KLHL3: variants seen among roughly 807,000 people sequenced by gnomAD.
KLHL3 encodes the protein kelch like family member 3, also known as kelch-like protein 3.
Under a neutral mutation model 70.5 loss-of-function variants are expected in KLHL3, and 19 were observed. The observed-to-expected ratio is 0.27, with a 90% confidence interval of 0.19 to 0.40. The LOEUF is 0.40. Ranked by LOEUF, KLHL3 falls within the 10% of genes least tolerant of loss-of-function variation. The pLI, the probability that KLHL3 is intolerant of heterozygous loss-of-function variation, is 1.00. For synonymous variants in KLHL3, 258 were observed against 290.3 expected, an observed-to-expected ratio of 0.89 and a Z score of 1.13; for missense variants, 512 against 771.1, an observed-to-expected ratio of 0.66 and a Z score of 3.98.
At chr5:137,671,264 A>C (rs1018293747) in intron 6 of KLHL3, among the ~76,000 whole-genome samples, 1 of 152,058 alleles carries the variant, frequency 6.6e-6, no homozygotes, top group South Asian at 2.1e-4. Flanking sequence ...GCTTTCCAAA[A>C]TTCTACCCTC....
chr5:137,635,023 T>C (rs1204721329), intron 11 of KLHL3, among the ~76,000 whole-genome samples: 1 of 152,198 alleles, frequency 6.6e-6, no homozygotes, highest in East Asian at 1.9e-4. Flanking sequence ...GTAGACTAAA[T>C]AAATATCACC....
intron 5 of KLHL3, among the ~76,000 whole-genome samples, chr5:137,684,721 C>T (rs1301971030): frequency 6.6e-6 from 1 of 152,212 alleles, no homozygotes; most frequent in Non-Finnish European, 1.5e-5. Context: ...AAAGATTAAG[C>T]AGTCCCTGGA....
At chr5:137,718,936 T>C (rs1026520287) in intron 2 of KLHL3, among the ~76,000 whole-genome samples, 1 of 152,190 alleles carries the variant, frequency 6.6e-6, no homozygotes, top group Non-Finnish European at 1.5e-5. Flanking sequence ...AAAACAAACA[T>C]AGAATCAGGT....
At chr5:137,705,630 G>C (rs909862682) in intron 3 of KLHL3, among the ~76,000 whole-genome samples, 6 of 152,208 alleles carry the variant, frequency 3.9e-5, no homozygotes, top group Non-Finnish European at 8.8e-5. Context: ...GGAAGCCCAA[G>C]TGTCTTTTAG....
At chr5:137,679,100 T>TTTTTTTTTTTTTTATTATACTC (rs1281108176) in intron 5 of KLHL3, among the ~76,000 whole-genome samples, 1 of 150,800 alleles carries the variant, frequency 6.6e-6, no homozygotes, top group African/African-American at 2.4e-5. Flanking sequence ...GTACTATTTT[T>TTTTTTTTTTTTTTATTATACTC]TAAGTGTTCA....
At chr5:137,731,706 C>G (rs1242032494) in intron 1 of KLHL3, among the ~76,000 whole-genome samples, 1 of 152,106 alleles carries the variant, frequency 6.6e-6, no homozygotes, top group Non-Finnish European at 1.5e-5. Context: ...GCAGGGGCAT[C>G]TCTGTGCTTC....
rs1249586623 is a variant in KLHL3 at position 137,661,933 on chromosome 5, A to T, written c.735T>A (p.Pro245=). 4 of 1,600,854 alleles carry T rather than the reference A, an allele frequency of 2.5e-6. No individual in the cohort carries two copies. The highest frequency in any genetic ancestry group is 2.6e-6 in the Non-Finnish European group (3 of 1,167,994). ...CACTCACTTGGACTAGGTAGTCCCT[A>T]GGTAAGAGAGGAAGTCGGACATGTT... is the stretch of plus-strand genomic sequence containing the variant. ...LMEHVRLPLL[P]RDYLVQTVEE... Residue 245 remains proline (P), a synonymous_variant, in exon 7 of 15, where the codon CCT becomes CCA. Coordinates refer to ENST00000309755, the MANE Select transcript of KLHL3 (RefSeq NM_017415.3).
intron 13 of KLHL3, among the ~76,000 whole-genome samples, chr5:137,627,758 G>T: frequency 6.6e-6 from 1 of 152,150 alleles, no homozygotes; most frequent in Non-Finnish European, 1.5e-5. Flanking sequence ...TTTCCTACAG[G>T]AAGGCATAGG....
intron 1 of KLHL3, among the ~76,000 whole-genome samples, chr5:137,732,205 T>C (rs181279812): frequency 2.2e-4 from 34 of 152,258 alleles, no homozygotes; most frequent in Non-Finnish European, 4.3e-4. Flanking sequence ...ATCATTGTAA[T>C]AGCTAACAGC....
intron 3 of KLHL3, among the ~76,000 whole-genome samples, chr5:137,708,187 T>G (rs1182534706): frequency 6.6e-6 from 1 of 152,232 alleles, no homozygotes; most frequent in Non-Finnish European, 1.5e-5. Flanking sequence ...AAGAGTAGCC[T>G]GGTCCACTTA....
intron 6 of KLHL3, among the ~76,000 whole-genome samples, chr5:137,667,947 G>A (rs913333221): frequency 2.6e-5 from 4 of 152,176 alleles, no homozygotes; most frequent in East Asian, 3.8e-4. Context: ...TGAAGTAGGT[G>A]TCACTGCTCA....
intron 5 of KLHL3, among the ~76,000 whole-genome samples, chr5:137,691,656 G>A (rs1752325327): frequency 6.6e-6 from 1 of 151,176 alleles, no homozygotes; most frequent in African/African-American, 2.4e-5. Context: ...TGTCACCCAG[G>A]CTGGAGTGCA....
At chr5:137,629,043 C>T (rs1161361150) in intron 12 of KLHL3, 1 of 152,184 alleles carries the variant, frequency 6.6e-6, no homozygotes, top group Non-Finnish European at 1.5e-5. Context: ...TAAGCAGAAG[C>T]TGACCTTTCT....
intron 4 of KLHL3, among the ~76,000 whole-genome samples, chr5:137,693,185 T>C (rs1752364574): frequency 1.3e-5 from 2 of 152,218 alleles, no homozygotes; most frequent in Non-Finnish European, 2.9e-5. Flanking sequence ...TAGAGTCTAC[T>C]GGAACAAGAT....
At position 137,628,691 on chromosome 5, in the gene KLHL3, T is replaced by TTA. The variant is rs781077436; in HGVS notation, c.1451-255_1451-254insTA. The TTA allele has an allele frequency of 0.24, 68,429 of 288,066 alleles. 11,119 individuals carry two copies. Among genetic ancestry groups the TTA allele is most frequent in the Middle Eastern group, 0.32 (326 of 1,032 alleles). 17.8% of individuals were successfully genotyped at this position (288,066 alleles called of 1,614,324 possible). A position where few individuals can be genotyped will look rare whatever the true frequency, so the allele number is the denominator to read the frequency against. Reference sequence around the variant, plus strand: ...CCCAAATTCTGTTTTTAAAAAACATTAAAAAATATATATATATATATACAC... The same window carrying TTA: ...CCCAAATTCTGTTTTTAAAAAACATTTAAAAAAATATATATATATATATACAC... On this transcript the variant is annotated intron_variant, in intron 12 of 14. Transcript: ENST00000309755.
In KLHL3 at chr5:137,620,546, A is replaced by G. The variant is rs937049558; in HGVS notation, c.*1552T>C. ...GTCCCAGACTGCAAGGTATGAGACT[A>G]TTCTCCAGACACAAGACTTCCCCTG... On this transcript the variant is annotated 3_prime_UTR_variant, in exon 15 of 15. Coordinates refer to ENST00000309755, the MANE Select transcript of KLHL3 (RefSeq NM_017415.3). 6.6e-6 allele frequency: 1 copy of G among 152,198 alleles called. No individual in the cohort carries two copies. Among genetic ancestry groups the G allele is most frequent in the Non-Finnish European group, 1.5e-5 (1 of 68,052 alleles). 9.4% of individuals were successfully genotyped at this position (152,198 alleles called of 1,614,324 possible).
intron 7 of KLHL3, chr5:137,660,828 T>C (rs904259772): frequency 6.6e-6 from 1 of 152,230 alleles, no homozygotes; most frequent in African/African-American, 2.4e-5. Context: ...AACAATCCTA[T>C]AAAGGCAAGT....
rs151263923 is a variant in KLHL3 at position 137,639,867 on chromosome 5, G to A, written c.1014C>T (p.Cys338=). The change falls in exon 9 of 15, where the codon TGC becomes TGT. Residue 338 remains cysteine, a synonymous_variant. Coordinates refer to ENST00000309755, the MANE Select transcript of KLHL3 (RefSeq NM_017415.3). This position sits in a 1 kb window ranked among gnomAD's most constrained non-coding sequence, Gnocchi z 5.0. ...AACTGGGAGGCTGCTCACCTGCTCT[G>A]CATCTTCTGGAAGGAAGCTCAGCAA... ...DQIAELPSRR[C]RAGVVFMAGH... is the part of the protein sequence containing the mutation. 1.4e-4 allele frequency: 227 copies of A among 1,613,266 alleles called. No homozygotes were observed. In the African/African-American group the frequency reaches 2.6e-3, roughly 18 times the overall value.
At chr5:137,663,204 A>G (rs1265271458) in intron 6 of KLHL3, among the ~76,000 whole-genome samples, 1 of 151,532 alleles carries the variant, frequency 6.6e-6, no homozygotes, top group Non-Finnish European at 1.5e-5. Flanking sequence ...TTACAGGTGT[A>G]CACCACTACA....
Sources: allele counts gnomAD v4.1 joint callset (sites outside exome capture counted in the v4.1 genomes callset), GRCh38; gene constraint gnomAD v4.1.1; non-coding constraint Gnocchi (gnomAD v3.1); transcripts MANE v1.5; gene names NCBI Gene and HGNC (gene_info 2026-07-23, HGNC 2026-07-21).